VEZT: variants seen among roughly 807,000 people sequenced by gnomAD.
The protein encoded by VEZT is vezatin.
Under a neutral mutation model 79.9 loss-of-function variants are expected in VEZT, and 39 were observed. The ratio of observed to expected loss-of-function variants is 0.49; its 90% confidence interval spans 0.38 to 0.64. VEZT has a LOEUF of 0.64. Ranked by LOEUF, VEZT falls within the 30% of genes least tolerant of loss-of-function variation. The probability of loss-of-function intolerance (pLI) is 0.00; values close to 1 mark genes in which losing one functional copy is unlikely to be tolerated. For missense variants in VEZT, 837 were observed against 893.1 expected, an observed-to-expected ratio of 0.94 and a Z score of 0.80; for synonymous variants, 325 against 327.6, an observed-to-expected ratio of 0.99 and a Z score of 0.09.
intron 5 of VEZT, among the ~76,000 whole-genome samples, chr12:95,267,109 T>C (rs893702741): frequency 1.3e-5 from 2 of 152,220 alleles, no homozygotes; most frequent in Non-Finnish European, 2.9e-5. Context: ...CAGAATATCA[T>C]GCAAATAGTG....
Position 95,239,045 on chromosome 12 carries a change from G to C in VEZT, c.37-12895G>C, listed in dbSNP as rs779736865. On this transcript the variant is annotated intron_variant, in intron 1 of 11. Transcript: ENST00000436874. Reference sequence around the variant, plus strand: ...TTTCCATTTGTATAGAAATTTTGAAGGCTATTCATACATATATAAGTGGAT... The same window carrying C: ...TTTCCATTTGTATAGAAATTTTGAACGCTATTCATACATATATAAGTGGAT... 1.8e-4 allele frequency among the ~76,000 whole-genome samples: 28 copies of C among 152,276 alleles called. No individual in the cohort carries two copies. In the Middle Eastern group the frequency reaches 0.01, roughly 55 times the overall value.
intron 1 of VEZT, among the ~76,000 whole-genome samples, chr12:95,250,593 GC>G (rs2062429516): frequency 6.6e-6 from 1 of 151,860 alleles, no homozygotes; most frequent in African/African-American, 2.4e-5. Context: ...GTGAGCCACC[GC>G]CCCCAGCCAA....
chr12:95,295,959 T>TA, intron 10 of VEZT, 92 bp from the exon 11 acceptor site: 1 of 989,654 alleles, frequency 1.0e-6, no homozygotes, highest in South Asian at 1.9e-5. Context: ...CCTTTTTTTT[T>TA]AATCTCAGAG....
intron 1 of VEZT, among the ~76,000 whole-genome samples, chr12:95,243,361 C>CAAAA (rs34891631): frequency 2.7e-5 from 2 of 73,244 alleles, no homozygotes; most frequent in African/African-American, 4.7e-5. Flanking sequence ...GACACCATCT[C>CAAAA]AAAAAAAAAA....
At chr12:95,255,292 A>G (rs2063289455) in intron 2 of VEZT, among the ~76,000 whole-genome samples, 1 of 152,080 alleles carries the variant, frequency 6.6e-6, no homozygotes, top group South Asian at 2.1e-4. Flanking sequence ...ACCATTTCCA[A>G]TCGCGCTGAC....
chr12:95,282,805 ATAATT>A (rs1566261017), intron 8 of VEZT, among the ~76,000 whole-genome samples, 161 bp downstream of exon 8: 1 of 151,372 alleles, frequency 6.6e-6, no homozygotes, highest in African/African-American at 2.4e-5. Context: ...AAAAAAAAAA[ATAATT>A]TATAAGTACT....
intron 1 of VEZT, among the ~76,000 whole-genome samples, chr12:95,230,111 A>AG (rs1265906691): frequency 4.6e-5 from 7 of 151,772 alleles, no homozygotes; most frequent in African/African-American, 1.7e-4. Flanking sequence ...TCTCAAAAAA[A>AG]AAAAAAAAAA....
In VEZT at chr12:95,287,651, C is replaced by T. The variant is rs2071339014; in HGVS notation, c.1329-13C>T. The T allele has an allele frequency of 6.7e-7, 1 of 1,493,930 alleles. No individual in the cohort carries two copies. The highest frequency in any genetic ancestry group is 2.4e-5 in the East Asian group (1 of 40,854). 92.5% of individuals were successfully genotyped at this position (1,493,930 alleles called of 1,614,324 possible). On this transcript the variant is annotated splice_polypyrimidine_tract_variant and intron_variant, in intron 8 of 11. Coordinates refer to ENST00000436874, the MANE Select transcript of VEZT (RefSeq NM_017599.4). ...ATTATAGAAATCTGTTTCTGTTTTT[C>T]TTTATGACTCAGGGTAATAATTCTT... is the stretch of plus-strand genomic sequence containing the variant.
chr12:95,282,620 T>G lies in VEZT; in HGVS notation c.1304T>G (p.Leu435Arg). The change falls in exon 8 of 12, where the codon CTC becomes CGC. Residue 435 changes from leucine to arginine, a missense_variant. Physicochemically the swap from Leu to Arg is moderately radical, Grantham distance 102. Transcript: ENST00000436874. ...NVHTAVRSLQLHLKALLNEVI... is the reference protein window; with the variant it reads ...NVHTAVRSLQRHLKALLNEVI... Reference sequence around the variant, plus strand: ...CACACAGCAGTGCGTAGCTTGCAGCTCCATCTGAAAGCATTACTGAATGAG... The same window carrying G: ...CACACAGCAGTGCGTAGCTTGCAGCGCCATCTGAAAGCATTACTGAATGAG... 1 of 1,606,174 alleles carries G rather than the reference T, an allele frequency of 6.2e-7. No homozygotes were observed. The highest frequency in any genetic ancestry group is 8.5e-7 in the Non-Finnish European group (1 of 1,174,734).
intron 8 of VEZT, among the ~76,000 whole-genome samples, chr12:95,284,768 A>G (rs914118417): frequency 1.3e-5 from 2 of 152,138 alleles, no homozygotes; most frequent in African/African-American, 4.8e-5. Context: ...ACTTTGGGAT[A>G]TGATGGTTTG....
rs367550658 is a variant in VEZT at position 95,262,903 on chromosome 12, A to C, written c.259-3A>C. 1.9e-6 allele frequency: 3 copies of C among 1,574,470 alleles called. No individual in the cohort carries two copies. The highest frequency in any genetic ancestry group is 2.6e-6 in the Non-Finnish European group (3 of 1,152,970). On this transcript the variant is annotated splice_polypyrimidine_tract_variant and splice_region_variant and intron_variant, in intron 3 of 11. Coordinates refer to ENST00000436874, the MANE Select transcript of VEZT (RefSeq NM_017599.4). ...ACCTCTCTTCTGGTATTTTAATGGC[A>C]AGGATATTGGATTCCGACTCGACTC...
chr12:95,235,718 G>C (rs2060029943), intron 1 of VEZT, among the ~76,000 whole-genome samples: 1 of 147,828 alleles, frequency 6.8e-6, no homozygotes, highest in Non-Finnish European at 1.5e-5. Context: ...GCGGGGGGCT[G>C]ACCCCCACCT....
intron 7 of VEZT, among the ~76,000 whole-genome samples, chr12:95,280,871 G>T (rs2068910160): frequency 6.6e-6 from 1 of 152,108 alleles, no homozygotes; most frequent in Admixed American, 6.6e-5. Flanking sequence ...AAGTAAACTT[G>T]CAAGTCAAGA....
At chr12:95,260,098 C>CTTTTTT (rs56756447) in intron 3 of VEZT, among the ~76,000 whole-genome samples, 12 of 68,526 alleles carry the variant, frequency 1.8e-4, no homozygotes, top group East Asian at 4.7e-4. Flanking sequence ...TGGTTGATCA[C>CTTTTTT]TTTTTTTTTT....
chr12:95,271,660 T>C (rs888439724), intron 6 of VEZT, among the ~76,000 whole-genome samples: 2 of 152,228 alleles, frequency 1.3e-5, no homozygotes, highest in Non-Finnish European at 2.9e-5. Context: ...CCAGGCAATA[T>C]GCTAATCACT....
intron 9 of VEZT, 135 bp downstream of exon 9, chr12:95,287,992 T>C (rs746690005): frequency 4.3e-6 from 3 of 698,100 alleles, no homozygotes; most frequent in Non-Finnish European, 6.6e-6. Flanking sequence ...TTTTTTAATG[T>C]TGAATTTATA....
intron 1 of VEZT, among the ~76,000 whole-genome samples, chr12:95,240,135 A>G (rs1045418602): frequency 7.9e-5 from 12 of 152,146 alleles, no homozygotes; most frequent in Non-Finnish European, 1.5e-4. Context: ...AAGATAGACA[A>G]TCATTGACTG....
chr12:95,260,751 G>A (rs2064296675), intron 3 of VEZT, among the ~76,000 whole-genome samples: 1 of 152,050 alleles, frequency 6.6e-6, no homozygotes, highest in Admixed American at 6.6e-5. Flanking sequence ...GTGTCTAATT[G>A]GGGAACCAAA....
intron 1 of VEZT, among the ~76,000 whole-genome samples, chr12:95,218,955 G>T (rs1053591475): frequency 1.3e-5 from 2 of 152,210 alleles, no homozygotes; most frequent in Non-Finnish European, 2.9e-5. Context: ...AGGGGGCGGG[G>T]TGTGGAGGGT....
Sources: allele counts gnomAD v4.1 joint callset (sites outside exome capture counted in the v4.1 genomes callset), GRCh38; gene constraint gnomAD v4.1.1; transcripts MANE v1.5; gene names NCBI Gene and HGNC (gene_info 2026-07-23, HGNC 2026-07-21).